The following KMT2C variants were observed in gnomAD, a reference collection of about 807,000 sequenced individuals.
The protein encoded by KMT2C is lysine methyltransferase 2C, also known as histone-lysine N-methyltransferase 2C.
In KMT2C, 88 loss-of-function variants were observed where a neutral mutation model predicts 507.9. The ratio of observed to expected loss-of-function variants is 0.17; its 90% CI spans 0.15 to 0.21. The LOEUF is 0.21. KMT2C is among the 10% of genes least tolerant of loss of function. The pLI, the probability that KMT2C is intolerant of heterozygous loss-of-function variation, is 1.00. For missense variants in KMT2C, 4,954 were observed against 5,957.8 expected (o/e 0.83, Z 5.55); for synonymous variants, 2,049 against 2,080.8 (o/e 0.98, Z 0.42).
chr7:152,341,319 C>T (rs558391011), intron 2 of KMT2C, among the ~76,000 whole-genome samples: 15 of 152,272 alleles, frequency 9.9e-5, no homozygotes, highest in Non-Finnish European at 2.1e-4. Flanking sequence ...TGATTTGTTA[C>T]GTGGCAATAA....
chr7:152,420,631 T>A (rs1722120692), intron 1 of KMT2C, among the ~76,000 whole-genome samples: 1 of 152,098 alleles, frequency 6.6e-6, no homozygotes, highest in South Asian at 2.1e-4. Context: ...GGTCAGGAGA[T>A]CGAGACCATT....
chr7:152,243,982 CAAG>C (rs559496639), intron 14 of KMT2C, among the ~76,000 whole-genome samples: 18 of 152,080 alleles, frequency 1.2e-4, no homozygotes, highest in Admixed American at 4.6e-4. Flanking sequence ...GTAAATAATA[CAAG>C]AAGACCTAAG....
At chr7:152,221,181 C>T (rs188245400) in intron 22 of KMT2C, among the ~76,000 whole-genome samples, 23 of 152,218 alleles carry the variant, frequency 1.5e-4, no homozygotes, top group African/African-American at 1.2e-4. Context: ...CGCTTGAACC[C>T]GGGAGGCAGA....
Position 152,139,196 on chromosome 7 carries a change from C to T in KMT2C, c.14524G>A (p.Gly4842Arg). The change falls in exon 57 of 59, where the codon GGG (glycine) becomes AGG (arginine). Residue 4842 changes from glycine (G) to arginine (R), a missense_variant. Gly to Arg is a moderately radical substitution (Grantham distance 125, BLOSUM62 -2). Coordinates refer to ENST00000262189, the MANE Select transcript of KMT2C (RefSeq NM_170606.3). ...DHVIDATLTG[G>R]PARYINHSCA... ...TCCTCGCTGTCTCACCTTGCGGGCC[C>T]TCCTGTGAGCGTCGCGTCAATCACA... 1.2e-6 allele frequency: 2 copies of T among 1,614,056 alleles called. No individual in the cohort carries two copies. Among genetic ancestry groups the T allele is most frequent in the Admixed American group, 1.7e-5 (1 of 60,024 alleles).
At chr7:152,424,647 C>T (rs1288678456) in intron 1 of KMT2C, among the ~76,000 whole-genome samples, 1 of 152,142 alleles carries the variant, frequency 6.6e-6, no homozygotes, top group Admixed American at 6.6e-5. Flanking sequence ...TGGTCTTGAA[C>T]TCCTGGGCTC....
At chr7:152,368,275 T>C (rs1047497685) in intron 1 of KMT2C, 2 of 1,048,244 alleles carry the variant, frequency 1.9e-6, no homozygotes, top group African/African-American at 3.1e-5. Context: ...CTATGAGAAC[T>C]ACAGAAGCAG....
chr7:152,373,849 A>G (rs1414205861), intron 1 of KMT2C, among the ~76,000 whole-genome samples: 4 of 152,224 alleles, frequency 2.6e-5, no homozygotes, highest in African/African-American at 9.6e-5. Context: ...ATAAAGGAAG[A>G]ATAAAGTATC....
chr7:152,281,241 C>A (rs972906132), intron 6 of KMT2C, among the ~76,000 whole-genome samples: 1 of 151,504 alleles, frequency 6.6e-6, no homozygotes, highest in African/African-American at 2.4e-5. Flanking sequence ...TTACAAATAT[C>A]TAGTATCCTG....
chr7:152,262,610 T>TA (rs2095798224), intron 9 of KMT2C, among the ~76,000 whole-genome samples: 1 of 152,102 alleles, frequency 6.6e-6, no homozygotes, highest in African/African-American at 2.4e-5. Flanking sequence ...CACTCAGTAA[T>TA]AAAAAAGAAT....
At chr7:152,434,194 G>C (rs981936667) in intron 1 of KMT2C, among the ~76,000 whole-genome samples, 4 of 152,086 alleles carry the variant, frequency 2.6e-5, no homozygotes, top group Admixed American at 2.0e-4. Flanking sequence ...GTATTACAAC[G>C]CAAGTGGCAT....
In KMT2C at chr7:152,314,263, A is replaced by G. The variant is rs1345855661; in HGVS notation, c.590+875T>C. On this transcript the variant is annotated intron_variant, in intron 4 of 58. Coordinates refer to ENST00000262189, the MANE Select transcript of KMT2C (RefSeq NM_170606.3). ...AATAAGTACAACACAACAATGATTT[A>G]GTACTTAAATTTGGATATAAGCCAG... Among the ~76,000 whole-genome samples the G allele has an allele frequency of 5.9e-5, 9 of 152,302 alleles. No homozygotes were observed. The East Asian group carries it at 1.7e-3, about 29-fold the overall frequency.
At chr7:152,315,429 T>TTATG in intron 3 of KMT2C, 91 bp from the exon 4 acceptor site, 2 of 879,278 alleles carry the variant, frequency 2.3e-6, no homozygotes, top group Non-Finnish European at 1.8e-6. Flanking sequence ...TGCTTTTAAA[T>TTATG]TATGTCTAAA....
intron 26 of KMT2C, among the ~76,000 whole-genome samples, chr7:152,201,359 GAAC>G (rs1304651576): frequency 6.6e-6 from 1 of 151,178 alleles, no homozygotes; most frequent in Non-Finnish European, 1.5e-5. Context: ...TGCAACAGGG[GAAC>G]AAGACGGCCC....
At position 152,334,197 on chromosome 7, in the gene KMT2C, T is replaced by A. The variant is rs368869467; in HGVS notation, c.251-3458A>T. On this transcript the variant is annotated intron_variant, in intron 2 of 58. Transcript: ENST00000262189. ...GGGGCCGGGTGCGGTGGCTCACGCC[T>A]GTAATCCCAGCACTTTGGGAGGCCA... 1.3e-4 allele frequency among the ~76,000 whole-genome samples: 20 copies of A among 152,352 alleles called. No homozygotes were observed. In the East Asian group the frequency reaches 3.5e-3, roughly 26 times the overall value.
chr7:152,273,724 A>G lies in KMT2C; in HGVS notation c.993T>C (p.Ile331=), dbSNP rs1369016914. The G allele has an allele frequency of 1.2e-6, 2 of 1,614,114 alleles. No individual in the cohort carries two copies. The highest frequency in any genetic ancestry group is 8.5e-7 in the Non-Finnish European group (1 of 1,179,932). The stretch of plus-strand genomic sequence containing the variant: ...ACTTACATCTTTCAGGAGCTTGGTC[A>G]ATGTGTTCTGGACAAAGCAGGAAGA... ...SHIFLLCPEH[I]DQAPERSKED... Residue 331 remains isoleucine (I), a synonymous_variant, in exon 7 of 59, where the codon ATT becomes ATC. Transcript: ENST00000262189.
intron 6 of KMT2C, among the ~76,000 whole-genome samples, chr7:152,307,392 G>C (rs1055688285): frequency 6.6e-6 from 1 of 151,446 alleles, no homozygotes; most frequent in African/African-American, 2.4e-5. Context: ...GAGGGAGGAA[G>C]GGAGGGGAGA....
intron 16 of KMT2C, among the ~76,000 whole-genome samples, chr7:152,232,816 T>C (rs1051192871): frequency 2.0e-5 from 3 of 152,120 alleles, no homozygotes; most frequent in African/African-American, 7.2e-5. Flanking sequence ...ATTAATTCAG[T>C]CATAGAACTA....
At chr7:152,426,589 A>G (rs1213851642) in intron 1 of KMT2C, among the ~76,000 whole-genome samples, 1 of 152,100 alleles carries the variant, frequency 6.6e-6, no homozygotes, top group African/African-American at 2.4e-5. Context: ...TTCTGTCTCT[A>G]AATAGTTTAT....
chr7:152,295,377 T>G (rs929805415), intron 6 of KMT2C, among the ~76,000 whole-genome samples: 1 of 152,182 alleles, frequency 6.6e-6, no homozygotes, highest in Non-Finnish European at 1.5e-5. Context: ...CCTAGTATTC[T>G]CTACCCTACT....
Sources: gnomAD v4.1 joint callset for allele counts (sites outside exome capture counted in the v4.1 genomes callset) on GRCh38, gnomAD v4.1.1 for gene constraint, MANE v1.5 for transcripts, NCBI Gene and HGNC (gene_info 2026-07-23, HGNC 2026-07-21) for gene names.